LPXN: variants seen among roughly 807,000 people sequenced by gnomAD.
LPXN encodes leupaxin.
In LPXN, 28 loss-of-function variants were observed where a neutral mutation model predicts 45.6. The ratio of observed to expected loss-of-function variants is 0.61; its 90% CI spans 0.45 to 0.84. LPXN has a LOEUF of 0.84. Ranked by LOEUF, LPXN falls within the 40% of genes least tolerant of loss-of-function variation. The pLI, the probability that LPXN is intolerant of heterozygous loss-of-function variation, is 0.00. For synonymous variants in LPXN, 166 were observed against 169.9 expected (o/e 0.98, Z 0.18); for missense variants, 459 against 475.0 (o/e 0.97, Z 0.31).
chr11:58,533,494 C>T (rs541014746), intron 7 of LPXN, among the ~76,000 whole-genome samples: 8 of 152,234 alleles, frequency 5.3e-5, no homozygotes, highest in East Asian at 1.9e-4. Context: ...TACCACCAGG[C>T]CTGCCTTACA....
chr11:58,546,350 T>G (rs1348534371), intron 7 of LPXN, among the ~76,000 whole-genome samples: 1 of 152,002 alleles, frequency 6.6e-6, no homozygotes, highest in Non-Finnish European at 1.5e-5. Flanking sequence ...ATGCCTTATC[T>G]TACCGTAAGA....
chr11:58,578,876 GAC>G (rs1379146565), upstream of LPXN, among the ~76,000 whole-genome samples: 2 of 151,334 alleles, frequency 1.3e-5, no homozygotes, highest in Admixed American at 1.3e-4. Context: ...ATTGTCGCGA[GAC>G]ACAGCCGTTT....
Position 58,562,676 on chromosome 11 carries a change from AGAG to A in LPXN, c.218+1476_218+1478del, listed in dbSNP as rs201831532. Among the ~76,000 whole-genome samples, 187 of 152,332 alleles carry A rather than the reference AGAG, an allele frequency of 1.2e-3. 6 individuals are homozygous for A. In the East Asian group the frequency reaches 0.032, roughly 26 times the overall value. On this transcript the variant is annotated intron_variant, in intron 3 of 8. Transcript: ENST00000395074. Reference sequence around the variant, plus strand: ...CCCCTAAGCCAAAGGGAAAAAGAAAAGAGGAGAAGTTACCAGAGCTAGGGGCCC... The same window carrying A: ...CCCCTAAGCCAAAGGGAAAAAGAAAAGAGAAGTTACCAGAGCTAGGGGCCC...
intron 7 of LPXN, among the ~76,000 whole-genome samples, chr11:58,548,867 T>C (rs1239456256): frequency 6.6e-6 from 1 of 152,188 alleles, no homozygotes; most frequent in Non-Finnish European, 1.5e-5. Context: ...GTTTGCTACA[T>C]GGCTTACTTG....
At chr11:58,546,726 A>T (rs898746731) in intron 7 of LPXN, among the ~76,000 whole-genome samples, 2 of 152,222 alleles carry the variant, frequency 1.3e-5, no homozygotes, top group African/African-American at 4.8e-5. Flanking sequence ...CTTAAATAGT[A>T]ACAGACAACC....
chr11:58,575,957 T>C (rs1854877227), upstream of LPXN: 1 of 1,401,860 alleles, frequency 7.1e-7, no homozygotes, highest in African/African-American at 1.5e-5. Flanking sequence ...TTTTTTTTCA[T>C]AGGTTACACA....
Position 58,527,354 on chromosome 11 carries a change from A to T in LPXN, c.*100T>A. ...TCATCACCTTTCCTTTTTCTATAAG[A>T]CTATTAAGCAGAAGGTCAGTAACAG... On this transcript the variant is annotated 3_prime_UTR_variant, in exon 9 of 9. Transcript: ENST00000395074. The T allele has an allele frequency of 8.2e-7, 1 of 1,213,416 alleles. No individual in the cohort carries two copies. The highest frequency in any genetic ancestry group is 2.3e-5 in the East Asian group (1 of 42,748). The allele number at this position is 1,213,416 out of a possible 1,614,324, so 75.2% of individuals were successfully genotyped here. A position where few individuals can be genotyped will look rare whatever the true frequency, so the allele number is the denominator to read the frequency against.
At chr11:58,558,341 C>T (rs1260475579) in intron 3 of LPXN, among the ~76,000 whole-genome samples, 1 of 151,370 alleles carries the variant, frequency 6.6e-6, no homozygotes, top group Non-Finnish European at 1.5e-5. Context: ...AGTTTAAGAC[C>T]AGCCTGGGCA....
intron 7 of LPXN, among the ~76,000 whole-genome samples, chr11:58,543,731 C>T (rs1853798608): frequency 6.6e-6 from 1 of 152,178 alleles, no homozygotes; most frequent in Non-Finnish European, 1.5e-5. Flanking sequence ...TCTGTGGGAA[C>T]TGACAGTATC....
chr11:58,556,100 C>T (rs12294453), intron 3 of LPXN, among the ~76,000 whole-genome samples: 1,681 of 151,774 alleles, frequency 0.011, 38 homozygotes, highest in African/African-American at 0.038. Flanking sequence ...AAAGAAAAAA[C>T]GATGTGCATG....
At chr11:58,537,810 T>C (rs1413565960) in intron 7 of LPXN, among the ~76,000 whole-genome samples, 3 of 152,016 alleles carry the variant, frequency 2.0e-5, no homozygotes, top group Admixed American at 6.5e-5. Flanking sequence ...TTAGGGTACA[T>C]GTGCACAATG....
intron 4 of LPXN, among the ~76,000 whole-genome samples, chr11:58,553,138 C>A (rs2120351081): frequency 6.6e-6 from 1 of 152,068 alleles, no homozygotes; most frequent in South Asian, 2.1e-4. Flanking sequence ...AAGTTTGAGA[C>A]CAGTCTGGGC....
upstream of LPXN, chr11:58,577,915 A>T (rs2134376336): frequency 7.6e-7 from 1 of 1,310,588 alleles, no homozygotes; most frequent in Admixed American, 2.6e-5. Context: ...TTAAGAGCCA[A>T]CTGAGTAGTG....
chr11:58,567,207 A>T (rs560500217), intron 2 of LPXN, among the ~76,000 whole-genome samples: 3 of 152,196 alleles, frequency 2.0e-5, no homozygotes, highest in Non-Finnish European at 2.9e-5. Context: ...GTGCTCTATT[A>T]ACATTTGTAT....
At chr11:58,549,519 C>G (rs1853975196) in intron 7 of LPXN, among the ~76,000 whole-genome samples, 1 of 152,130 alleles carries the variant, frequency 6.6e-6, no homozygotes, top group Non-Finnish European at 1.5e-5. Flanking sequence ...TTTCAATATT[C>G]AACAAGAAAA....
chr11:58,553,672 A>G (rs1338487594), intron 4 of LPXN, among the ~76,000 whole-genome samples: 1 of 152,210 alleles, frequency 6.6e-6, no homozygotes, highest in African/African-American at 2.4e-5. Flanking sequence ...CCAATCATAT[A>G]CATTTTTATA....
chr11:58,549,551 G>C (rs1391481091), intron 7 of LPXN, among the ~76,000 whole-genome samples: 1 of 152,214 alleles, frequency 6.6e-6, no homozygotes, highest in Non-Finnish European at 1.5e-5. Flanking sequence ...TATTACCCTT[G>C]AAGTAATATT....
chr11:58,561,533 C>T (rs755833374), intron 3 of LPXN, among the ~76,000 whole-genome samples: 3 of 152,192 alleles, frequency 2.0e-5, no homozygotes, highest in Non-Finnish European at 4.4e-5. Context: ...CCAGAAGGTA[C>T]ACTGGAGCTT....
At chr11:58,574,871 A>C (rs1051824191) in intron 1 of LPXN, among the ~76,000 whole-genome samples, 7 of 152,148 alleles carry the variant, frequency 4.6e-5, no homozygotes, top group Non-Finnish European at 1.0e-4. Flanking sequence ...AACAATGTGC[A>C]AGATATTTTT....
Sources: allele counts gnomAD v4.1 joint callset (sites outside exome capture counted in the v4.1 genomes callset), GRCh38; gene constraint gnomAD v4.1.1; transcripts MANE v1.5; gene names NCBI Gene and HGNC (gene_info 2026-07-23, HGNC 2026-07-21).